D2HGDH: variants seen among roughly 807,000 people sequenced by gnomAD.
The protein encoded by D2HGDH is D-2-hydroxyglutarate dehydrogenase, mitochondrial.
Under a neutral mutation model 46.9 loss-of-function variants are expected in D2HGDH, and 31 were observed. The ratio of observed to expected loss-of-function variants is 0.66; its 90% CI spans 0.50 to 0.89. D2HGDH has a LOEUF of 0.89. D2HGDH is among the 40% of genes least tolerant of loss of function. The probability of loss-of-function intolerance (pLI) is 0.00; values close to 1 mark genes in which losing one functional copy is unlikely to be tolerated. For missense variants in D2HGDH, 698 were observed against 720.8 expected (o/e 0.97, Z 0.36); for synonymous variants, 364 against 332.6 (o/e 1.09, Z -1.03).
At chr2:241,747,722 G>A (rs943851867) in intron 6 of D2HGDH, among the ~76,000 whole-genome samples, 5 of 151,918 alleles carry the variant, frequency 3.3e-5, no homozygotes, top group Non-Finnish European at 7.4e-5. Context: ...CACCATACCT[G>A]GCTACATTTT....
At chr2:241,741,385 C>T (rs147390667) in intron 3 of D2HGDH, among the ~76,000 whole-genome samples, 1 of 152,246 alleles carries the variant, frequency 6.6e-6, no homozygotes, top group African/African-American at 2.4e-5. Context: ...GTGTCCATGA[C>T]TGTGGACAGT....
Position 241,767,898 on chromosome 2 carries a change from C to G in D2HGDH, c.1495C>G (p.Gln499Glu). ...GCCACCGGGGGCCCTGCAGCTCATGCAGCAGCTCAAGGCCCTGCTGGACCC... is the reference window on the plus strand; with the variant it reads ...GCCACCGGGGGCCCTGCAGCTCATGGAGCAGCTCAAGGCCCTGCTGGACCC... The part of the protein sequence containing the change: ...SKPPGALQLM[Q>E]QLKALLDPKG... Residue 499 changes from glutamine to glutamate, a missense_variant, in exon 10 of 10, where the codon CAG (glutamine) becomes GAG (glutamate). Physicochemically the swap from Gln to Glu is conservative, Grantham distance 29. Coordinates refer to ENST00000321264, the MANE Select transcript of D2HGDH (RefSeq NM_152783.5). 1 of 1,605,630 alleles carries G rather than the reference C, an allele frequency of 6.2e-7. No individual in the cohort carries two copies. The highest frequency in any genetic ancestry group is 8.5e-7 in the Non-Finnish European group (1 of 1,176,606).
At chr2:241,735,806 A>G (rs527573077) in intron 2 of D2HGDH, 89 of 470,300 alleles carry the variant, frequency 1.9e-4, no homozygotes, top group African/African-American at 1.6e-3. Flanking sequence ...CTCTGTCGCC[A>G]GGCCGGAGTG....
At chr2:241,751,797 A>G (rs1343755364) in intron 8 of D2HGDH, among the ~76,000 whole-genome samples, 1 of 152,086 alleles carries the variant, frequency 6.6e-6, no homozygotes, top group Non-Finnish European at 1.5e-5. Flanking sequence ...TAGGATGGGC[A>G]GTTTTCCTTC....
At chr2:241,748,865 T>C in intron 6 of D2HGDH, 1 of 1,289,920 alleles carries the variant, frequency 7.8e-7, no homozygotes, top group Non-Finnish European at 1.0e-6. Flanking sequence ...CCAACTGCAG[T>C]CACCTGTGTG....
intron 2 of D2HGDH, among the ~76,000 whole-genome samples, chr2:241,737,917 CT>C (rs1048183403): frequency 2.0e-5 from 3 of 152,030 alleles, no homozygotes; most frequent in South Asian, 4.1e-4. Context: ...TTGTTTTTAT[CT>C]TTTTTTTGTT....
At position 241,744,805 on chromosome 2, in the gene D2HGDH, A is replaced by G. The variant is rs1432578974; in HGVS notation, c.781A>G (p.Thr261Ala). The change falls in exon 6 of 10, where the codon ACT becomes GCT. Residue 261 changes from threonine to alanine, a missense_variant. Thr to Ala is a moderately conservative substitution (Grantham distance 58). Transcript: ENST00000321264. The part of the protein sequence containing the change: ...LKQLFIGSEG[T>A]LGIITTVSIL... ...GCAGCTGTTCATCGGGTCGGAGGGC[A>G]CTTTGGGGATCATCACCACGGTGTC... The G allele has an allele frequency of 6.2e-7, 1 of 1,614,166 alleles. No individual in the cohort carries two copies.
At chr2:241,759,850 A>G (rs773938859) in intron 9 of D2HGDH, among the ~76,000 whole-genome samples, 2 of 152,190 alleles carry the variant, frequency 1.3e-5, no homozygotes, top group African/African-American at 2.4e-5. Context: ...TTCCTCCCAA[A>G]TAATGTGTGA....
At chr2:241,762,067 TCC>T (rs1433615492) in intron 9 of D2HGDH, among the ~76,000 whole-genome samples, 6 of 139,018 alleles carry the variant, frequency 4.3e-5, no homozygotes, top group Non-Finnish European at 7.5e-5. Context: ...CTTTTTCTTT[TCC>T]TTTTTTTTTT....
intron 2 of D2HGDH, among the ~76,000 whole-genome samples, chr2:241,738,472 T>C (rs1693537876): frequency 6.6e-6 from 1 of 152,162 alleles, no homozygotes; most frequent in Admixed American, 6.5e-5. Context: ...GTTCCCGTGC[T>C]CCCAGCCTGC....
At chr2:241,750,397 G>A in intron 7 of D2HGDH, 103 bp downstream of exon 7, 1 of 1,168,762 alleles carries the variant, frequency 8.6e-7, no homozygotes, top group Non-Finnish European at 1.2e-6. Flanking sequence ...GGGTGCCCGG[G>A]CGGGCGGGTG....
At chr2:241,754,997 G>A (rs757686052) in intron 8 of D2HGDH, 10 of 1,257,806 alleles carry the variant, frequency 8.0e-6, no homozygotes, top group Middle Eastern at 2.2e-4. Context: ...GGGAGAGGTG[G>A]TCCTGCAGCC....
At chr2:241,734,937 C>T (rs113276310) in intron 1 of D2HGDH, 196 bp from the exon 2 acceptor site, 4 of 393,804 alleles carry the variant, frequency 1.0e-5, no homozygotes, top group Middle Eastern at 6.5e-4. Flanking sequence ...GAGGCCGCCC[C>T]GAGCCTGCGC....
In D2HGDH at chr2:241,750,205, T is replaced by C; in HGVS notation, c.908T>C (p.Leu303Pro). ...LQTFSTCKGM[L>P]GEILSAFEFM... ...ACCTTCAGCACCTGCAAGGGGATGC[T>C]GGGTGAGATCCTGTCTGCATTCGAG... The change falls in exon 7 of 10, where the codon CTG (leucine) becomes CCG (proline). Residue 303 changes from leucine (L) to proline (P), a missense_variant. Coordinates refer to ENST00000321264, the MANE Select transcript of D2HGDH (RefSeq NM_152783.5). The C allele has an allele frequency of 6.2e-7, 1 of 1,614,082 alleles. No individual in the cohort carries two copies. The highest frequency in any genetic ancestry group is 1.3e-5 in the African/African-American group (1 of 75,038).
At chr2:241,734,982 C>T (rs1692347243) in intron 1 of D2HGDH, 151 bp from the exon 2 acceptor site, 3 of 513,602 alleles carry the variant, frequency 5.8e-6, no homozygotes. Flanking sequence ...TGGGGCTTCG[C>T]GCGCTCGCGG....
Position 241,742,097 on chromosome 2 carries a change from GCGGT to G in D2HGDH, c.351-335_351-332del, listed in dbSNP as rs1694625430. ...GAGGGTGGAAGGCAGTGGGGGCAGT[GCGGT>G]CGAGGAACCCTGAGCTGGACCCTCT... On this transcript the variant is annotated intron_variant, in intron 3 of 9. Coordinates refer to ENST00000321264, the MANE Select transcript of D2HGDH (RefSeq NM_152783.5). This position sits in a 1 kb window ranked among gnomAD's most constrained non-coding sequence, Gnocchi z 4.8. Among the ~76,000 whole-genome samples, 1 of 152,126 alleles carries G rather than the reference GCGGT, an allele frequency of 6.6e-6. No individual in the cohort carries two copies. The highest frequency in any genetic ancestry group is 1.5e-5 in the Non-Finnish European group (1 of 68,020).
intron 2 of D2HGDH, among the ~76,000 whole-genome samples, chr2:241,737,561 C>G (rs965222946): frequency 6.6e-6 from 1 of 152,146 alleles, no homozygotes; most frequent in African/African-American, 2.4e-5. Flanking sequence ...ACGATCTCCC[C>G]TTACTGCAAC....
chr2:241,758,769 ATGTGTGTGTGTGTGTGTG>A (rs558559121), intron 9 of D2HGDH, among the ~76,000 whole-genome samples: 2 of 131,896 alleles, frequency 1.5e-5, no homozygotes, highest in African/African-American at 2.9e-5. Flanking sequence ...CCCACAATAT[ATGTGTGTGTGTGTGTGTG>A]TGTGTGTGTG....
In D2HGDH at chr2:241,735,393, T is replaced by A; in HGVS notation, c.169T>A (p.Leu57Met). The A allele has an allele frequency of 6.3e-7, 1 of 1,596,012 alleles. No individual in the cohort carries two copies. The highest frequency in any genetic ancestry group is 1.1e-5 in the South Asian group (1 of 89,042). ...CCGGGAGCGCTACCCCGTGCGGCGCTTGCCGTTCTCCACGGTGTCTAAGCA... is the reference window on the plus strand; with the variant it reads ...CCGGGAGCGCTACCCCGTGCGGCGCATGCCGTTCTCCACGGTGTCTAAGCA... ...LTRERYPVRR[L>M]PFSTVSKQDL... is the part of the protein sequence containing the mutation. Residue 57 changes from leucine to methionine, a missense_variant, in exon 2 of 10, where the codon TTG (leucine) becomes ATG (methionine). Coordinates refer to ENST00000321264, the MANE Select transcript of D2HGDH (RefSeq NM_152783.5).
Sources: gnomAD v4.1 joint callset for allele counts (sites outside exome capture counted in the v4.1 genomes callset) on GRCh38, gnomAD v4.1.1 for gene constraint, Gnocchi (gnomAD v3.1) non-coding constraint, MANE v1.5 for transcripts, NCBI Gene and HGNC (gene_info 2026-07-23, HGNC 2026-07-21) for gene names.